The following PCDHGB6 variants were observed in gnomAD, a reference collection of about 807,000 sequenced individuals.
The protein encoded by PCDHGB6 is protocadherin gamma-B6.
PCDHGB6 carries 51 observed loss-of-function variants against 59.1 expected under a neutral mutation model. The observed-to-expected ratio is 0.86, with a 90% CI of 0.69 to 1.09. PCDHGB6 has a LOEUF of 1.09. Ranked by LOEUF, PCDHGB6 falls within the 50% of genes least tolerant of loss-of-function variation. The pLI is 0.00. For synonymous variants in PCDHGB6, 466 were observed against 495.1 expected (o/e 0.94, Z 0.78); for missense variants, 1,148 against 1,205.1 (o/e 0.95, Z 0.70).
intron 1 of PCDHGB6, chr5:141,422,964 G>A: frequency 1.2e-6 from 2 of 1,614,190 alleles, no homozygotes; most frequent in Non-Finnish European, 1.7e-6. Flanking sequence ...TGGAGCTGGC[G>A]CCCCGCTCTG....
intron 1 of PCDHGB6, among the ~76,000 whole-genome samples, chr5:141,492,474 G>T (rs2099741007): frequency 6.6e-6 from 1 of 152,218 alleles, no homozygotes; most frequent in African/African-American, 2.4e-5. Context: ...CCCAGATCGC[G>T]GCCGCCCAGG....
intron 1 of PCDHGB6, among the ~76,000 whole-genome samples, chr5:141,439,449 G>A (rs761506247): frequency 4.6e-5 from 7 of 152,184 alleles, no homozygotes; most frequent in Admixed American, 3.9e-4. Context: ...TATTGCGGGA[G>A]CAAGACTGCA....
Position 141,491,401 on chromosome 5 carries a change from G to A in PCDHGB6, c.2419-3406G>A. The A allele has an allele frequency of 6.2e-7, 1 of 1,614,100 alleles. No homozygotes were observed. ...GTCAGCGAAGTGCCTTCAGGGAAAC[G>A]CAGACGGGGACGGGGGTGGAGGGCA... On this transcript the variant is annotated intron_variant, in intron 1 of 3. Transcript: ENST00000520790. This position sits in a 1 kb window ranked among gnomAD's most constrained non-coding sequence, Gnocchi z 6.9.
At chr5:141,427,857 G>T (rs746661329) in intron 1 of PCDHGB6, 2 of 1,554,576 alleles carry the variant, frequency 1.3e-6, no homozygotes, top group Admixed American at 3.3e-5. Flanking sequence ...GCAGCTGTGC[G>T]CCTTCGAGCT....
At chr5:141,495,175 C>T (rs1337353259) in intron 2 of PCDHGB6, among the ~76,000 whole-genome samples, 1 of 152,182 alleles carries the variant, frequency 6.6e-6, no homozygotes, top group Admixed American at 6.5e-5. Context: ...TGGGTGAAAG[C>T]GAGGCTTTCT....
intron 1 of PCDHGB6, among the ~76,000 whole-genome samples, chr5:141,430,360 T>C (rs570966246): frequency 1.8e-4 from 27 of 151,522 alleles, no homozygotes; most frequent in Middle Eastern, 3.4e-3. Flanking sequence ...TAAAAGCTCA[T>C]TGGGGAAAAA....
chr5:141,494,656 C>CT, intron 1 of PCDHGB6, 151 bp from the exon 2 acceptor site: 1 of 1,478,476 alleles, frequency 6.8e-7, no homozygotes, highest in Non-Finnish European at 9.1e-7. Flanking sequence ...TGTATTTTGT[C>CT]TTTGGAGATG....
chr5:141,489,844 C>T lies in PCDHGB6; in HGVS notation c.2419-4963C>T, dbSNP rs1004902910. 4.3e-6 allele frequency: 7 copies of T among 1,614,148 alleles called. No homozygotes were observed. The African/African-American group carries it at 9.3e-5, about 22-fold the overall frequency. ...GCTGGTGCTAGAGCAGCAGCTGGAT[C>T]GTGAAGCCCAGGCAAGACATCAGCT... On this transcript the variant is annotated intron_variant, in intron 1 of 3. Transcript: ENST00000520790. The surrounding 1 kb of genome is among the most constrained non-coding windows in gnomAD (Gnocchi z 4.5).
rs1329435709 is a variant in PCDHGB6 at position 141,485,726 on chromosome 5, C to T, written c.2419-9081C>T. ...ACACTTTGCACTGGATGTGAAGAAGCGCAGCGACGGCAGCCTGGTCCCAGA... is the reference window on the plus strand; with the variant it reads ...ACACTTTGCACTGGATGTGAAGAAGTGCAGCGACGGCAGCCTGGTCCCAGA... On this transcript the variant is annotated intron_variant, in intron 1 of 3. Coordinates refer to ENST00000520790, the MANE Select transcript of PCDHGB6 (RefSeq NM_018926.3). This position sits in a 1 kb window ranked among gnomAD's most constrained non-coding sequence, Gnocchi z 5.7. 2 of 1,614,138 alleles carry T rather than the reference C, an allele frequency of 1.2e-6. No homozygotes were observed. The highest frequency in any genetic ancestry group is 8.5e-7 in the Non-Finnish European group (1 of 1,180,024).
In PCDHGB6 at chr5:141,477,772, C is replaced by G. The variant is rs760319541; in HGVS notation, c.2419-17035C>G. The G allele has an allele frequency of 1.5e-5, 25 of 1,613,908 alleles. No homozygotes were observed. Among genetic ancestry groups the G allele is most frequent in the Non-Finnish European group, 2.1e-5 (25 of 1,180,042 alleles). On this transcript the variant is annotated intron_variant, in intron 1 of 3. Coordinates refer to ENST00000520790, the MANE Select transcript of PCDHGB6 (RefSeq NM_018926.3). This position sits in a 1 kb window ranked among gnomAD's most constrained non-coding sequence, Gnocchi z 4.9. Reference sequence around the variant, plus strand: ...CCCCGGTCCTAGCCACCAACATCAGCGTGAACATATTTGTCACTGATCGCA... The same window carrying G: ...CCCCGGTCCTAGCCACCAACATCAGGGTGAACATATTTGTCACTGATCGCA...
intron 1 of PCDHGB6, among the ~76,000 whole-genome samples, chr5:141,447,221 C>A (rs1034853072): frequency 6.6e-6 from 1 of 152,026 alleles, no homozygotes; most frequent in Non-Finnish European, 1.5e-5. Context: ...CTCACTGCAA[C>A]CTCCGCCTCC....
At chr5:141,504,643 G>A (rs1049421626) in intron 2 of PCDHGB6, among the ~76,000 whole-genome samples, 3 of 124,276 alleles carry the variant, frequency 2.4e-5, no homozygotes, top group African/African-American at 9.0e-5. Flanking sequence ...AAGGTTTGAT[G>A]ATAGAGTGTT....
chr5:141,450,454 G>A (rs144071286), intron 1 of PCDHGB6, among the ~76,000 whole-genome samples: 3,498 of 151,958 alleles, frequency 0.023, 60 homozygotes, highest in Middle Eastern at 0.051. Flanking sequence ...ATGTTTCCTC[G>A]TGATTTTATA....
rs2099415271 is a variant in PCDHGB6, at chr5:141,477,659, G to A, written c.2419-17148G>A. 6.2e-7 allele frequency: 1 copy of A among 1,614,194 alleles called. No individual in the cohort carries two copies. The highest frequency in any genetic ancestry group is 1.3e-5 in the African/African-American group (1 of 75,046). ...GGGTCGCTATTTCACAATAAATCGT[G>A]ACAATGGCATAGTGTCATCCTTAGT... On this transcript the variant is annotated intron_variant, in intron 1 of 3. Transcript: ENST00000520790. The surrounding 1 kb of genome is among the most constrained non-coding windows in gnomAD (Gnocchi z 4.9).
At chr5:141,423,193 T>A in intron 1 of PCDHGB6, 2 of 1,613,564 alleles carry the variant, frequency 1.2e-6, no homozygotes, top group Non-Finnish European at 1.7e-6. Context: ...GCCCCCTCTC[T>A]CGGCCACCGT....
chr5:141,436,875 A>C (rs1182313546), intron 1 of PCDHGB6, among the ~76,000 whole-genome samples: 3 of 152,236 alleles, frequency 2.0e-5, no homozygotes, highest in African/African-American at 7.2e-5. Context: ...TTAGGCCATA[A>C]AAGATGGGGG....
chr5:141,497,540 C>CA (rs1491509812), intron 2 of PCDHGB6, among the ~76,000 whole-genome samples: 7 of 134,922 alleles, frequency 5.2e-5, no homozygotes, highest in Admixed American at 1.5e-4. Flanking sequence ...TGCAACAAAC[C>CA]TTTTTTTTTT....
rs1012728568 is a variant in PCDHGB6 at position 141,495,487 on chromosome 5, T to C, written c.2477+622T>C. Among the ~76,000 whole-genome samples, 22 of 152,328 alleles carry C rather than the reference T, an allele frequency of 1.4e-4. 1 individual carries two copies. The East Asian group carries it at 4.1e-3, about 28-fold the overall frequency. ...GGGGTCTCCGTGTCTCTGCCCCTTT[T>C]TCTTGAGTTTCCGTCTTTGCCACTT... On this transcript the variant is annotated intron_variant, in intron 2 of 3. Coordinates refer to ENST00000520790, the MANE Select transcript of PCDHGB6 (RefSeq NM_018926.3).
At position 141,408,219 on chromosome 5, in the gene PCDHGB6, C is replaced by T. The variant is rs560438654; in HGVS notation, c.17C>T (p.Ala6Val). MGGSC[A>V]QRRRAGPRQV... ...GAGCGAACGATGGGAGGGAGCTGCG[C>T]GCAGAGGCGCCGGGCCGGCCCGCGG... Residue 6 changes from alanine (A) to valine (V), a missense_variant, in exon 1 of 4, where the codon GCG becomes GTG. This residue lies in a region of PCDHGB6 where 307 missense variants were observed against 323.8 expected (regional missense o/e 0.95). Transcript: ENST00000520790. The T allele has an allele frequency of 2.6e-6, 4 of 1,557,930 alleles. No homozygotes were observed. Among genetic ancestry groups the T allele is most frequent in the East Asian group, 4.8e-5 (2 of 41,356 alleles).
Sources: gnomAD v4.1 joint callset for allele counts (sites outside exome capture counted in the v4.1 genomes callset) on GRCh38, gnomAD v4.1.1 for gene constraint, gnomAD v4.1.1 regional missense constraint, Gnocchi (gnomAD v3.1) non-coding constraint, MANE v1.5 for transcripts, NCBI Gene and HGNC (gene_info 2026-07-23, HGNC 2026-07-21) for gene names.